GLIS3: variants seen among roughly 807,000 people sequenced by gnomAD.
GLIS3 encodes zinc finger protein GLIS3.
A neutral mutation model predicts 78.6 loss-of-function variants in GLIS3; 53 were observed. That is an observed-to-expected ratio of 0.67 (90% CI 0.54 to 0.85). The LOEUF is 0.85. Ranked by LOEUF, GLIS3 falls within the 40% of genes least tolerant of loss-of-function variation. The probability of loss-of-function intolerance (pLI) is 0.00; values close to 1 mark genes in which losing one functional copy is unlikely to be tolerated. For missense variants in GLIS3, 1,703 were observed against 1,231.1 expected, an observed-to-expected ratio of 1.38 and a Z score of -5.74; for synonymous variants, 684 against 509.9, an observed-to-expected ratio of 1.34 and a Z score of -4.60.
At chr9:4,323,957 G>A (rs376303216) in intron 2 of GLIS3, among the ~76,000 whole-genome samples, 5 of 152,100 alleles carry the variant, frequency 3.3e-5, no homozygotes, top group Admixed American at 2.0e-4. Flanking sequence ...TAGCACCATC[G>A]TCATTCTTTC....
chr9:4,327,829 T>C (rs533388592), intron 2 of GLIS3, among the ~76,000 whole-genome samples: 43 of 152,310 alleles, frequency 2.8e-4, no homozygotes, highest in Admixed American at 5.9e-4. Context: ...ATGTCACTCC[T>C]CGAGGTGCAT....
chr9:4,478,976 A>C, the GLIS3 span, among the ~76,000 whole-genome samples: 1 of 152,254 alleles, frequency 6.6e-6, no homozygotes, highest in Non-Finnish European at 1.5e-5. Context: ...GAAAAAATTA[A>C]TTTCCACTAT....
At chr9:4,435,926 G>A in the GLIS3 span, among the ~76,000 whole-genome samples, 1 of 152,084 alleles carries the variant, frequency 6.6e-6, no homozygotes, top group South Asian at 2.1e-4. Context: ...TCCAGCCTGG[G>A]TGACAGAGCC....
chr9:4,342,473 C>T (rs550490779), intron 2 of GLIS3, among the ~76,000 whole-genome samples: 58 of 152,262 alleles, frequency 3.8e-4, no homozygotes, highest in Admixed American at 1.3e-3. Flanking sequence ...GTACCACTAC[C>T]ATGCTATTTG....
intron 2 of GLIS3, among the ~76,000 whole-genome samples, chr9:4,332,023 C>T (rs961675929): frequency 5.3e-5 from 8 of 152,142 alleles, no homozygotes; most frequent in African/African-American, 1.9e-4. Context: ...AAGACAGAAA[C>T]CTGTTATCCC....
chr9:4,069,268 T>C (rs573806773), intron 4 of GLIS3, among the ~76,000 whole-genome samples: 30 of 152,202 alleles, frequency 2.0e-4, no homozygotes, highest in Non-Finnish European at 4.1e-4. Context: ...AGGTTGCTCT[T>C]CTGGGTCTCC....
At chr9:4,261,715 T>C (rs190731913) in intron 2 of GLIS3, among the ~76,000 whole-genome samples, 1 of 152,298 alleles carries the variant, frequency 6.6e-6, no homozygotes, top group East Asian at 1.9e-4. Context: ...TCAATGGCCA[T>C]AAACCCGCAA....
intron 2 of GLIS3, among the ~76,000 whole-genome samples, chr9:4,328,768 G>T: frequency 6.6e-6 from 1 of 152,292 alleles, no homozygotes; most frequent in South Asian, 2.1e-4. Flanking sequence ...TAATCTCTCT[G>T]CCATACCAGG....
chr9:4,029,898 C>A (rs1288186600), intron 4 of GLIS3, among the ~76,000 whole-genome samples: 1 of 152,184 alleles, frequency 6.6e-6, no homozygotes, highest in Non-Finnish European at 1.5e-5. Context: ...AGTGCTGCAA[C>A]AAACATAGGA....
rs79073894 is a variant in GLIS3, at chr9:3,908,399, C to T, written c.1984-9564G>A. Among the ~76,000 whole-genome samples the T allele has an allele frequency of 8.0e-3, 1,221 of 152,328 alleles. 19 individuals carry two copies. The highest frequency in any genetic ancestry group is 0.028 in the African/African-American group (1,154 of 41,570). On this transcript the variant is annotated intron_variant, in intron 6 of 10. Coordinates refer to ENST00000381971, the MANE Select transcript of GLIS3 (RefSeq NM_001042413.2). ...GCTCATGGACATAGACTTGTGACAACTCCAAGGCTCGGAAACCAATTTGTG... is the reference window on the plus strand; with the variant it reads ...GCTCATGGACATAGACTTGTGACAATTCCAAGGCTCGGAAACCAATTTGTG...
intron 2 of GLIS3, among the ~76,000 whole-genome samples, chr9:4,239,268 G>T (rs1483285114): frequency 2.0e-5 from 3 of 150,930 alleles, no homozygotes; most frequent in African/African-American, 4.9e-5. Flanking sequence ...GTATACATAT[G>T]TAACAAACCT....
At chr9:4,396,646 AT>A in the GLIS3 span, among the ~76,000 whole-genome samples, 2 of 152,304 alleles carry the variant, frequency 1.3e-5, no homozygotes, top group African/African-American at 4.8e-5. Flanking sequence ...AACCATTTTT[AT>A]ATCACCATTT....
the GLIS3 span, among the ~76,000 whole-genome samples, chr9:4,386,164 G>C: frequency 6.6e-6 from 1 of 152,124 alleles, no homozygotes. Context: ...AAGAGAGAGA[G>C]AATAAAAACA....
chr9:4,453,423 T>C, the GLIS3 span, among the ~76,000 whole-genome samples: 2 of 147,030 alleles, frequency 1.4e-5, no homozygotes, highest in Non-Finnish European at 1.5e-5. Flanking sequence ...ATTTTTGCAA[T>C]CTACCCATCT....
At chr9:4,254,479 G>C (rs1229259633) in intron 2 of GLIS3, among the ~76,000 whole-genome samples, 4 of 152,188 alleles carry the variant, frequency 2.6e-5, no homozygotes, top group Non-Finnish European at 4.4e-5. Context: ...TGCCTTTATG[G>C]AAACAGACAA....
intron 2 of GLIS3, among the ~76,000 whole-genome samples, chr9:4,214,774 A>G (rs1327694360): frequency 6.6e-6 from 1 of 152,220 alleles, no homozygotes; most frequent in Admixed American, 6.5e-5. Flanking sequence ...TTGTTACACC[A>G]TTGAGATTAC....
chr9:4,340,293 G>GAAA (rs34253104), intron 2 of GLIS3, among the ~76,000 whole-genome samples: 16 of 133,244 alleles, frequency 1.2e-4, no homozygotes, highest in East Asian at 2.2e-4. Flanking sequence ...AATCAAATGA[G>GAAA]AAAAAAAAAA....
At chr9:4,275,501 T>C (rs1259650784) in intron 2 of GLIS3, among the ~76,000 whole-genome samples, 1 of 151,924 alleles carries the variant, frequency 6.6e-6, no homozygotes, top group Non-Finnish European at 1.5e-5. Context: ...GGCTCACAAC[T>C]GTAATCCCAG....
intron 4 of GLIS3, among the ~76,000 whole-genome samples, chr9:4,077,672 C>T (rs1423594540): frequency 6.6e-6 from 1 of 152,088 alleles, no homozygotes; most frequent in Non-Finnish European, 1.5e-5. Flanking sequence ...TAGTCCCTGT[C>T]GGCCTCTACC....
Sources: gnomAD v4.1 joint callset for allele counts (sites outside exome capture counted in the v4.1 genomes callset) on GRCh38, gnomAD v4.1.1 for gene constraint, MANE v1.5 for transcripts, NCBI Gene and HGNC (gene_info 2026-07-23, HGNC 2026-07-21) for gene names.